Variants in SAG observed in about 807,000 individuals in gnomAD.
SAG encodes S-antigen visual arrestin.
In SAG, 45 loss-of-function variants were observed where a neutral mutation model predicts 55.0. That is an observed-to-expected ratio of 0.82 (90% confidence interval 0.64 to 1.05). SAG has a LOEUF of 1.05. SAG is among the 50% of genes least tolerant of loss of function. The probability of loss-of-function intolerance (pLI) is 0.00; values close to 1 mark genes in which losing one functional copy is unlikely to be tolerated. For missense variants in SAG, 455 were observed against 512.1 expected (o/e 0.89, Z 1.08); for synonymous variants, 189 against 197.4 (o/e 0.96, Z 0.36).
At chr2:233,323,091 CT>C in intron 6 of SAG, 86 bp downstream of exon 6, 1 of 870,616 alleles carries the variant, frequency 1.1e-6, no homozygotes, top group South Asian at 1.5e-5. Flanking sequence ...CAGGGTTTTA[CT>C]CTGTCACCAA....
intron 11 of SAG, among the ~76,000 whole-genome samples, chr2:233,336,848 C>T (rs1196371734): frequency 2.0e-5 from 3 of 152,142 alleles, no homozygotes; most frequent in African/African-American, 7.2e-5. Flanking sequence ...GTAATCCCAG[C>T]ACTTTAGAAG....
At chr2:233,344,228 T>A (rs571949595) in intron 14 of SAG, 2 of 152,350 alleles carry the variant, frequency 1.3e-5, no homozygotes, top group South Asian at 4.1e-4. Context: ...TGGAGTGCAG[T>A]GGCATGATCT....
intron 11 of SAG, 21 bp downstream of exon 11, chr2:233,335,120 G>A: frequency 6.2e-7 from 1 of 1,601,586 alleles, no homozygotes; most frequent in Non-Finnish European, 8.5e-7. Flanking sequence ...GAGGCTCAGG[G>A]AATAAGCCCT....
At chr2:233,327,479 G>T (rs1369909758) in intron 7 of SAG, 2 of 317,126 alleles carry the variant, frequency 6.3e-6, no homozygotes, top group African/African-American at 2.2e-5. Context: ...TTGTTTGTTT[G>T]TTTGTTTGTT....
At chr2:233,328,862 G>A in intron 8 of SAG, 1 of 436,632 alleles carries the variant, frequency 2.3e-6, no homozygotes, top group East Asian at 3.7e-5. Context: ...GACTGGGGAA[G>A]GAAGGGGCGC....
intron 2 of SAG, among the ~76,000 whole-genome samples, chr2:233,310,539 T>A (rs1700051013): frequency 1.4e-5 from 2 of 140,496 alleles, no homozygotes; most frequent in Non-Finnish European, 3.0e-5. Context: ...AGACAGAGTC[T>A]CACTCTGTCA....
intron 10 of SAG, chr2:233,334,649 C>A (rs943271967): frequency 3.8e-6 from 1 of 266,358 alleles, no homozygotes; most frequent in African/African-American, 2.2e-5. Context: ...CACAAAGTCT[C>A]AGGAGGAGGC....
At chr2:233,316,553 C>T (rs1033212994) in intron 3 of SAG, among the ~76,000 whole-genome samples, 5 of 152,162 alleles carry the variant, frequency 3.3e-5, no homozygotes, top group African/African-American at 7.2e-5. Flanking sequence ...TCAGGTGATC[C>T]GCCCGCCTCG....
At chr2:233,317,714 T>C (rs76589744) in intron 3 of SAG, among the ~76,000 whole-genome samples, 4,624 of 152,256 alleles carry the variant, frequency 0.03, 124 homozygotes, top group Non-Finnish European at 0.041. Flanking sequence ...GCCCTAACAA[T>C]AGGAAGTGAT....
chr2:233,337,420 T>C (rs1200198883), intron 11 of SAG, among the ~76,000 whole-genome samples: 1 of 152,066 alleles, frequency 6.6e-6, no homozygotes, highest in Non-Finnish European at 1.5e-5. Flanking sequence ...GTACTTTCAA[T>C]AGAGATGGGG....
intron 2 of SAG, among the ~76,000 whole-genome samples, chr2:233,314,569 C>T (rs1700167280): frequency 6.6e-6 from 1 of 152,204 alleles, no homozygotes; most frequent in Admixed American, 6.5e-5. Context: ...GGACTCGCTG[C>T]AGCAACCAGC....
chr2:233,311,848 A>C (rs1225912963), intron 2 of SAG, among the ~76,000 whole-genome samples: 1 of 152,208 alleles, frequency 6.6e-6, no homozygotes, highest in Non-Finnish European at 1.5e-5. Context: ...AGTACCAGCC[A>C]GGCGCGGTGG....
At chr2:233,309,707 C>A (rs1700025575) in intron 2 of SAG, among the ~76,000 whole-genome samples, 1 of 152,130 alleles carries the variant, frequency 6.6e-6, no homozygotes, top group Non-Finnish European at 1.5e-5. Flanking sequence ...TTGTCTCTGT[C>A]TAAGATGGAT....
rs984451842 is a variant in SAG, at chr2:233,338,573, G to A, written c.945-103G>A. 4.0e-6 allele frequency: 4 copies of A among 1,001,774 alleles called. No homozygotes were observed. The Admixed American group carries it at 7.2e-5, about 18-fold the overall frequency. The allele number at this position is 1,001,774 out of a possible 1,614,324, so 62.1% of individuals were successfully genotyped here. On this transcript the variant is annotated intron_variant, in intron 11 of 15. Transcript: ENST00000409110. ...CTCAGTGAGTTCACCAGTCCCTGGA[G>A]AACCTCCATGACGGCATGCCTGCCT...
chr2:233,346,419 G>C lies in SAG; in HGVS notation c.1112+7G>C. 6.2e-7 allele frequency: 1 copy of C among 1,613,754 alleles called. No homozygotes were observed. Among genetic ancestry groups the C allele is most frequent in the Non-Finnish European group, 8.5e-7 (1 of 1,179,700 alleles). On this transcript the variant is annotated splice_region_variant and intron_variant, in intron 15 of 15. Transcript: ENST00000409110. Reference sequence around the variant, plus strand: ...TGCTTACAGCTAAGGAAAGGTGAGTGAGCCTCTTGAATGTGGCCCTGATTT... The same window carrying C: ...TGCTTACAGCTAAGGAAAGGTGAGTCAGCCTCTTGAATGTGGCCCTGATTT...
chr2:233,327,202 G>C lies in SAG; in HGVS notation c.512+5G>C, dbSNP rs1325003729. On this transcript the variant is annotated splice_donor_5th_base_variant and intron_variant, in intron 7 of 15. Transcript: ENST00000409110. ...AGAGGACAAAATCCCCAAGAAGTAA[G>C]AGTATGGTTGCGGAATAGGTGAGGG... The C allele has an allele frequency of 1.9e-6, 3 of 1,612,794 alleles. No homozygotes were observed. The highest frequency in any genetic ancestry group is 2.5e-6 in the Non-Finnish European group (3 of 1,178,962).
chr2:233,328,908 C>G (rs1195338803), intron 8 of SAG: 1 of 368,594 alleles, frequency 2.7e-6, no homozygotes, highest in African/African-American at 2.1e-5. Context: ...CTGTCCTTGT[C>G]CTGTCCACCT....
chr2:233,343,787 G>T (rs1701174425), intron 14 of SAG: 1 of 1,020,766 alleles, frequency 9.8e-7, no homozygotes, highest in East Asian at 1.0e-4. Flanking sequence ...AAGTAAAAGT[G>T]GTATAAACAA....
chr2:233,339,333 G>A (rs1433354955), intron 12 of SAG, among the ~76,000 whole-genome samples: 6 of 152,056 alleles, frequency 3.9e-5, no homozygotes, highest in South Asian at 4.1e-4. Context: ...TCTCATTTTC[G>A]TTTCAAATTC....
Sources: gnomAD v4.1 joint callset for allele counts (sites outside exome capture counted in the v4.1 genomes callset) on GRCh38, gnomAD v4.1.1 for gene constraint, MANE v1.5 for transcripts, NCBI Gene and HGNC (gene_info 2026-07-23, HGNC 2026-07-21) for gene names.